Variants in CFAP300 observed in about 807,000 individuals in gnomAD.
CFAP300 encodes the protein cilia- and flagella-associated protein 300.
Under a neutral mutation model 33.0 loss-of-function variants are expected in CFAP300, and 32 were observed. The ratio of observed to expected loss-of-function variants is 0.97; its 90% CI spans 0.73 to 1.30. The LOEUF is 1.30. CFAP300 is among the 50% of genes most tolerant of loss of function. CFAP300 has a pLI of 0.00. For synonymous variants in CFAP300, 102 were observed against 106.8 expected (o/e 0.95, Z 0.28); for missense variants, 356 against 318.1 (o/e 1.12, Z -0.90).
chr11:102,068,863 C>T (rs748654099), intron 4 of CFAP300, among the ~76,000 whole-genome samples: 8 of 152,268 alleles, frequency 5.3e-5, no homozygotes, highest in Middle Eastern at 3.4e-3. Flanking sequence ...CTTCTCCTTA[C>T]CAAGGATTGG....
rs779294114 is a variant in CFAP300, at chr11:102,074,944, C to T, written c.436-929C>T. Among the ~76,000 whole-genome samples, 6 of 152,012 alleles carry T rather than the reference C, an allele frequency of 3.9e-5. No individual in the cohort carries two copies. In the East Asian group the frequency reaches 7.8e-4, roughly 20 times the overall value. ...CTGGCCTCAAGCTCCTGGCCTCAAG[C>T]GATCCTCCTGCCATGGCCTCCCAAA... On this transcript the variant is annotated intron_variant, in intron 4 of 6. Coordinates refer to ENST00000434758, the MANE Select transcript of CFAP300 (RefSeq NM_032930.3).
At chr11:102,079,201 T>C (rs1942440850) in intron 5 of CFAP300, among the ~76,000 whole-genome samples, 1 of 152,218 alleles carries the variant, frequency 6.6e-6, no homozygotes, top group African/African-American at 2.4e-5. Flanking sequence ...AATCTTTATG[T>C]ATGTTTATAC....
chr11:102,049,908 T>C (rs1474496842), intron 2 of CFAP300, among the ~76,000 whole-genome samples: 1 of 151,692 alleles, frequency 6.6e-6, no homozygotes, highest in East Asian at 1.9e-4. Context: ...CCCAGCACTT[T>C]GGGAGGCTGA....
At chr11:102,068,029 T>C (rs1942254135) in intron 4 of CFAP300, among the ~76,000 whole-genome samples, 1 of 152,250 alleles carries the variant, frequency 6.6e-6, no homozygotes, top group African/African-American at 2.4e-5. Context: ...CCAGTCTTTG[T>C]CACTTAGTAA....
At chr11:102,054,289 A>G (rs1942015477) in intron 2 of CFAP300, among the ~76,000 whole-genome samples, 1 of 152,184 alleles carries the variant, frequency 6.6e-6, no homozygotes, top group East Asian at 1.9e-4. Flanking sequence ...GCTTTTTTGT[A>G]GTATACATGG....
intron 3 of CFAP300, among the ~76,000 whole-genome samples, chr11:102,064,226 C>T (rs1364436128): frequency 6.6e-6 from 1 of 152,178 alleles, no homozygotes. Flanking sequence ...CCAAACCCTC[C>T]TTCCACTCCC....
intron 6 of CFAP300, among the ~76,000 whole-genome samples, chr11:102,081,921 G>A (rs1431068278): frequency 2.0e-5 from 3 of 149,820 alleles, no homozygotes; most frequent in Admixed American, 1.3e-4. Context: ...TGCCATAAAT[G>A]TGTCTTTATA....
intron 6 of CFAP300, among the ~76,000 whole-genome samples, chr11:102,082,804 C>A (rs1400956197): frequency 6.6e-6 from 1 of 152,120 alleles, no homozygotes; most frequent in Non-Finnish European, 1.5e-5. Flanking sequence ...CAAGACTAGC[C>A]TGGCTAAGAT....
At chr11:102,063,193 G>A (rs1447266554) in intron 3 of CFAP300, among the ~76,000 whole-genome samples, 1 of 152,248 alleles carries the variant, frequency 6.6e-6, no homozygotes, top group African/African-American at 2.4e-5. Flanking sequence ...CAGGGTAGAA[G>A]CAAGACTGCC....
At position 102,047,902 on chromosome 11, in the gene CFAP300, T is replaced by C. The variant is rs749008852; in HGVS notation, c.192+6T>C. On this transcript the variant is annotated splice_donor_region_variant and intron_variant, in intron 2 of 6. Coordinates refer to ENST00000434758, the MANE Select transcript of CFAP300 (RefSeq NM_032930.3). ...GGAAGGATGATTTCGTTATGGTTAG[T>C]ATGGGGGTCGGAGAGTTCCCTGGGT... 1 of 1,614,026 alleles carries C rather than the reference T, an allele frequency of 6.2e-7. No homozygotes were observed. The highest frequency in any genetic ancestry group is 1.1e-5 in the South Asian group (1 of 91,042).
chr11:102,076,183 C>T (rs1291114767), intron 5 of CFAP300, 138 bp downstream of exon 5: 7 of 808,128 alleles, frequency 8.7e-6, no homozygotes, highest in Middle Eastern at 7.8e-4. Flanking sequence ...CCTTACCCCC[C>T]TCTCATAACC....
In CFAP300 at chr11:102,068,332, C is replaced by T. The variant is rs752565887; in HGVS notation, c.435+1681C>T. Among the ~76,000 whole-genome samples, 31 of 152,166 alleles carry T rather than the reference C, an allele frequency of 2.0e-4. 1 individual carries two copies. The Middle Eastern group carries it at 0.01, about 50-fold the overall frequency. On this transcript the variant is annotated intron_variant, in intron 4 of 6. Coordinates refer to ENST00000434758, the MANE Select transcript of CFAP300 (RefSeq NM_032930.3). Reference sequence around the variant, plus strand: ...TGTCTGTAGGAGAAAGGGAGGTATCCAACCAGTCTACACTAAGGCAATACC... The same window carrying T: ...TGTCTGTAGGAGAAAGGGAGGTATCTAACCAGTCTACACTAAGGCAATACC...
chr11:102,058,656 T>G (rs948314458), intron 2 of CFAP300, among the ~76,000 whole-genome samples: 4 of 151,472 alleles, frequency 2.6e-5, no homozygotes, highest in African/African-American at 9.7e-5. Context: ...TTTTCTAAAT[T>G]AAGTTCCAAA....
chr11:102,055,045 A>G (rs1942029685), intron 2 of CFAP300, among the ~76,000 whole-genome samples: 2 of 149,894 alleles, frequency 1.3e-5, no homozygotes, highest in African/African-American at 2.5e-5. Flanking sequence ...CAGTGGTGCG[A>G]TCTCAGCTCA....
intron 5 of CFAP300, among the ~76,000 whole-genome samples, 192 bp from the exon 6 acceptor site, chr11:102,081,023 T>A (rs539293631): frequency 6.6e-6 from 1 of 152,212 alleles, no homozygotes; most frequent in African/African-American, 2.4e-5. Context: ...TTTTCTGCTA[T>A]TTCAATTCAG....
rs749458466 is a variant in CFAP300, at chr11:102,066,589, C to T, written c.373C>T (p.His125Tyr). The change falls in exon 4 of 7, where the codon CAT (histidine) becomes TAT (tyrosine). Residue 125 changes from histidine to tyrosine, a missense_variant. By Grantham distance (83) the His-to-Tyr change is moderately conservative. Transcript: ENST00000434758. ...YDEDIVRDSG[H>Y]IVKCLDSFCD... ...TGAAGATATTGTACGAGACAGTGGA[C>T]ATATTGTTAAATGTTTAGATTCTTT... is the stretch of plus-strand genomic sequence containing the variant. The T allele has an allele frequency of 5.6e-6, 9 of 1,610,426 alleles. No homozygotes were observed. Among genetic ancestry groups the T allele is most frequent in the Non-Finnish European group, 7.6e-6 (9 of 1,178,804 alleles).
intron 3 of CFAP300, among the ~76,000 whole-genome samples, chr11:102,064,849 T>TTCTGTAATTTAATGGGACC (rs1397129983): frequency 2.0e-5 from 3 of 152,148 alleles, no homozygotes; most frequent in Non-Finnish European, 4.4e-5. Context: ...CTTTATGACT[T>TTCTGTAATTTAATGGGACC]TCTGTAATTT....
At position 102,067,117 on chromosome 11, in the gene CFAP300, G is replaced by A. The variant is rs1942240392; in HGVS notation, c.435+466G>A. Among the ~76,000 whole-genome samples, 4 of 152,144 alleles carry A rather than the reference G, an allele frequency of 2.6e-5. No homozygotes were observed. The South Asian group carries it at 6.2e-4, about 24-fold the overall frequency. On this transcript the variant is annotated intron_variant, in intron 4 of 6. Coordinates refer to ENST00000434758, the MANE Select transcript of CFAP300 (RefSeq NM_032930.3). The stretch of plus-strand genomic sequence containing the variant: ...CACTTTGGGAGGCTGAGGCAGGTGG[G>A]TGGTTTGAGCCCAGGAGTTCAAGAC...
At chr11:102,071,486 T>G (rs1942312236) in intron 4 of CFAP300, among the ~76,000 whole-genome samples, 1 of 152,228 alleles carries the variant, frequency 6.6e-6, no homozygotes, top group African/African-American at 2.4e-5. Flanking sequence ...TTTGTTAATT[T>G]TTTTGGTTAT....
Sources: gnomAD v4.1 joint callset for allele counts (sites outside exome capture counted in the v4.1 genomes callset) on GRCh38, gnomAD v4.1.1 for gene constraint, MANE v1.5 for transcripts, NCBI Gene and HGNC (gene_info 2026-07-23, HGNC 2026-07-21) for gene names.